The following RLF variants were observed in gnomAD, a reference collection of about 807,000 sequenced individuals.
RLF encodes the protein RLF zinc finger, also known as zinc finger protein Rlf.
A neutral mutation model predicts 162.9 loss-of-function variants in RLF; 7 were observed. That is an observed-to-expected ratio of 0.04 (90% confidence interval 0.02 to 0.08). The LOEUF (loss-of-function observed/expected upper bound fraction) is 0.08. RLF is among the 10% of genes least tolerant of loss of function. The pLI is 1.00. For synonymous variants in RLF, 782 were observed against 791.5 expected, an observed-to-expected ratio of 0.99 and a Z score of 0.20; for missense variants, 1,664 against 2,244.7, an observed-to-expected ratio of 0.74 and a Z score of 5.23.
At chr1:40,187,073 C>T (rs946184857) in intron 1 of RLF, among the ~76,000 whole-genome samples, 2 of 144,522 alleles carry the variant, frequency 1.4e-5, no homozygotes, top group Non-Finnish European at 3.1e-5. Flanking sequence ...TGCTGTGTCG[C>T]CAGGCTGGAG....
At chr1:40,194,948 C>A (rs1263766646) in intron 3 of RLF, among the ~76,000 whole-genome samples, 2 of 151,832 alleles carry the variant, frequency 1.3e-5, no homozygotes, top group East Asian at 2.0e-4. Context: ...ATTCTCCTGC[C>A]TCAGCCTCCC....
In RLF at chr1:40,178,942, C is replaced by G. The variant is rs552913304; in HGVS notation, c.238-10113C>G. ...CTCCACATCCCGGGTTCAAGTGATTCTCCTGCCTCAGCTTCCTCAGTAGTT... is the reference window on the plus strand; with the variant it reads ...CTCCACATCCCGGGTTCAAGTGATTGTCCTGCCTCAGCTTCCTCAGTAGTT... On this transcript the variant is annotated intron_variant, in intron 1 of 7. Coordinates refer to ENST00000372771, the MANE Select transcript of RLF (RefSeq NM_012421.4). Among the ~76,000 whole-genome samples, 52 of 152,272 alleles carry G rather than the reference C, an allele frequency of 3.4e-4. 2 individuals are homozygous for G. Among genetic ancestry groups the G allele is most frequent in the African/African-American group, 1.3e-3 (52 of 41,560 alleles).
chr1:40,202,911 G>A (rs1180168792), intron 5 of RLF, among the ~76,000 whole-genome samples: 2 of 151,956 alleles, frequency 1.3e-5, no homozygotes, highest in Non-Finnish European at 2.9e-5. Context: ...AAGTAATGAC[G>A]TCTCCATGTT....
chr1:40,221,793 T>G (rs750646134), intron 5 of RLF, among the ~76,000 whole-genome samples: 5 of 149,512 alleles, frequency 3.3e-5, no homozygotes, highest in South Asian at 4.2e-4. Context: ...CCAGCTACTC[T>G]GGAGGCTGAG....
chr1:40,239,003 T>C lies in RLF; in HGVS notation c.4301T>C (p.Ile1434Thr). The C allele has an allele frequency of 6.2e-7, 1 of 1,614,206 alleles. No individual in the cohort carries two copies. Among genetic ancestry groups the C allele is most frequent in the Non-Finnish European group, 8.5e-7 (1 of 1,180,018 alleles). Residue 1434 changes from isoleucine (I) to threonine (T), a missense_variant, in exon 8 of 8, where the codon ATT becomes ACT. Ile to Thr is a moderately conservative substitution (Grantham distance 89, BLOSUM62 -1). Coordinates refer to ENST00000372771, the MANE Select transcript of RLF (RefSeq NM_012421.4). The stretch of plus-strand genomic sequence containing the variant: ...CACCACTTGATGGAACAGCATAATA[T>C]TGAAGGGGAAATACATTCAGATTAT... ...LKHHLMEQHN[I>T]EGEIHSDYEI...
At chr1:40,221,399 T>C (rs1447134855) in intron 5 of RLF, among the ~76,000 whole-genome samples, 3 of 151,166 alleles carry the variant, frequency 2.0e-5, no homozygotes, top group Non-Finnish European at 4.4e-5. Context: ...AAAGGAGAAA[T>C]TTGAGAGTGT....
rs569319303 is a variant in RLF at position 40,186,803 on chromosome 1, T to A, written c.238-2252T>A. Among the ~76,000 whole-genome samples, 13 of 152,298 alleles carry A rather than the reference T, an allele frequency of 8.5e-5. No individual in the cohort carries two copies. In the South Asian group the frequency reaches 1.2e-3, roughly 15 times the overall value. Reference sequence around the variant, plus strand: ...AATGGTGAATGTATTCAGCAGACATTTAGTGAGACTTGAGAATGTCCTGTG... The same window carrying A: ...AATGGTGAATGTATTCAGCAGACATATAGTGAGACTTGAGAATGTCCTGTG... On this transcript the variant is annotated intron_variant, in intron 1 of 7. Coordinates refer to ENST00000372771, the MANE Select transcript of RLF (RefSeq NM_012421.4).
At chr1:40,173,169 C>T (rs974037982) in intron 1 of RLF, among the ~76,000 whole-genome samples, 2 of 151,512 alleles carry the variant, frequency 1.3e-5, no homozygotes, top group Admixed American at 6.6e-5. Flanking sequence ...ATCTGCCTCC[C>T]GGGTTCAAGC....
intron 1 of RLF, among the ~76,000 whole-genome samples, chr1:40,173,648 G>C (rs1056864044): frequency 6.6e-6 from 1 of 151,738 alleles, no homozygotes; most frequent in African/African-American, 2.4e-5. Flanking sequence ...TGAGTAGCTG[G>C]GATTACAGGT....
At chr1:40,209,839 T>C (rs192509772) in intron 5 of RLF, among the ~76,000 whole-genome samples, 1,724 of 151,670 alleles carry the variant, frequency 0.011, 17 homozygotes, top group Non-Finnish European at 0.017. Flanking sequence ...ATCGTGCCAT[T>C]TGCACTCGAG....
intron 1 of RLF, among the ~76,000 whole-genome samples, chr1:40,173,510 T>C (rs1279921660): frequency 7.0e-6 from 1 of 143,540 alleles, no homozygotes; most frequent in Non-Finnish European, 1.5e-5. Flanking sequence ...ATTATGATCA[T>C]GTAATTTTTT....
intron 1 of RLF, among the ~76,000 whole-genome samples, chr1:40,183,987 T>C (rs1642439608): frequency 1.3e-5 from 2 of 152,218 alleles, no homozygotes; most frequent in African/African-American, 4.8e-5. Context: ...GTGACCATCC[T>C]GAAAGAAATT....
At chr1:40,187,272 C>T (rs911861905) in intron 1 of RLF, among the ~76,000 whole-genome samples, 13 of 152,104 alleles carry the variant, frequency 8.5e-5, no homozygotes, top group Non-Finnish European at 1.5e-4. Context: ...CTTTGTGATC[C>T]GTCCGCCTCG....
At chr1:40,169,163 T>G (rs550953191) in intron 1 of RLF, among the ~76,000 whole-genome samples, 69 of 152,286 alleles carry the variant, frequency 4.5e-4, no homozygotes, top group African/African-American at 1.6e-3. Flanking sequence ...ATTTTTCATT[T>G]TACAGACAGA....
At chr1:40,185,081 A>G (rs1356025537) in intron 1 of RLF, among the ~76,000 whole-genome samples, 1 of 152,060 alleles carries the variant, frequency 6.6e-6, no homozygotes, top group Non-Finnish European at 1.5e-5. Flanking sequence ...ACAAAAAAAA[A>G]GTTTTTTTTA....
intron 1 of RLF, among the ~76,000 whole-genome samples, chr1:40,166,004 G>A (rs973100187): frequency 1.3e-5 from 2 of 152,058 alleles, no homozygotes; most frequent in African/African-American, 4.8e-5. Context: ...CTAATATTAT[G>A]GTCTTTCAGC....
At position 40,235,811 on chromosome 1, in the gene RLF, G is replaced by C; in HGVS notation, c.1109G>C (p.Gly370Ala). The change falls in exon 8 of 8, where the codon GGG becomes GCG. Residue 370 changes from glycine to alanine, a missense_variant. By Grantham distance (60) the Gly-to-Ala change is moderately conservative (BLOSUM62 0). Transcript: ENST00000372771. The part of the protein sequence containing the change: ...IQTEAQDAGL[G>A]VSILLCVRAL... ...TTACAGGCACAAGATGCTGGTCTTG[G>C]GGTGTCAATTTTACTGTGTGTCAGA... 1 of 1,591,464 alleles carries C rather than the reference G, an allele frequency of 6.3e-7. No individual in the cohort carries two copies. The highest frequency in any genetic ancestry group is 8.5e-7 in the Non-Finnish European group (1 of 1,170,620).
rs1014620514 is a variant in RLF, at chr1:40,240,861, G to A, written c.*414G>A. 1.8e-5 allele frequency: 3 copies of A among 166,982 alleles called. No individual in the cohort carries two copies. Among genetic ancestry groups the A allele is most frequent in the African/African-American group, 7.2e-5 (3 of 41,508 alleles). 10.3% of individuals were successfully genotyped at this position (166,982 alleles called of 1,614,324 possible). On this transcript the variant is annotated 3_prime_UTR_variant, in exon 8 of 8. Transcript: ENST00000372771. Reference sequence around the variant, plus strand: ...CTGAGGGTGCTTTGTGTAATATATTGTACACTACAGCATCTTATATTTTTT... The same window carrying A: ...CTGAGGGTGCTTTGTGTAATATATTATACACTACAGCATCTTATATTTTTT...
chr1:40,194,035 T>C (rs1273684876), intron 3 of RLF, among the ~76,000 whole-genome samples: 1 of 152,120 alleles, frequency 6.6e-6, no homozygotes, highest in Non-Finnish European at 1.5e-5. Flanking sequence ...TCAGTAGTAA[T>C]AGAGGACAGT....
Sources: gnomAD v4.1 joint callset for allele counts (sites outside exome capture counted in the v4.1 genomes callset) on GRCh38, gnomAD v4.1.1 for gene constraint, MANE v1.5 for transcripts, NCBI Gene and HGNC (gene_info 2026-07-23, HGNC 2026-07-21) for gene names.